Variants in MTSS1 observed in about 807,000 individuals in gnomAD.
The protein encoded by MTSS1 is protein MTSS 1.
MTSS1 carries 18 observed loss-of-function variants against 79.0 expected under a neutral mutation model. The ratio of observed to expected loss-of-function variants is 0.23; its 90% CI spans 0.16 to 0.34. The LOEUF is 0.34. Among genes scored for constraint, MTSS1 ranks in the 10% least tolerant of loss-of-function variants. The pLI, the probability that MTSS1 is intolerant of heterozygous loss-of-function variation, is 1.00. For synonymous variants in MTSS1, 341 were observed against 368.6 expected (o/e 0.93, Z 0.86); for missense variants, 815 against 986.2 (o/e 0.83, Z 2.33).
chr8:124,661,269 C>A (rs371215619), intron 3 of MTSS1, among the ~76,000 whole-genome samples: 3 of 151,432 alleles, frequency 2.0e-5, no homozygotes, highest in Non-Finnish European at 4.4e-5. Flanking sequence ...TCCCCATACA[C>A]GCACTACCCA....
intron 3 of MTSS1, among the ~76,000 whole-genome samples, chr8:124,694,056 A>C (rs9643203): frequency 0.36 from 54,725 of 152,058 alleles, 10,587 homozygotes; most frequent in Non-Finnish European, 0.41. Context: ...TGTTATTCTA[A>C]CTACCGCATA....
rs576112232 is a variant in MTSS1, at chr8:124,725,158, C to T, written c.72+2726G>A. ...CTGCTTGCTTTACATGGTGCTGTTCCCCAGTGGAGAAAAAGTCAGGATTTC... is the reference window on the plus strand; with the variant it reads ...CTGCTTGCTTTACATGGTGCTGTTCTCCAGTGGAGAAAAAGTCAGGATTTC... On this transcript the variant is annotated intron_variant, in intron 1 of 13. Coordinates refer to ENST00000518547, the MANE Select transcript of MTSS1 (RefSeq NM_014751.6). Among the ~76,000 whole-genome samples, 12 of 152,224 alleles carry T rather than the reference C, an allele frequency of 7.9e-5. No individual in the cohort carries two copies. In the South Asian group the frequency reaches 2.1e-3, roughly 26 times the overall value.
chr8:124,608,484 C>A (rs1563849508), intron 3 of MTSS1, among the ~76,000 whole-genome samples: 1 of 152,196 alleles, frequency 6.6e-6, no homozygotes, highest in Non-Finnish European at 1.5e-5. Context: ...CTGCAGAGAA[C>A]CAGTAGGGTC....
At chr8:124,604,024 C>G (rs1230032334) in intron 3 of MTSS1, among the ~76,000 whole-genome samples, 1 of 152,080 alleles carries the variant, frequency 6.6e-6, no homozygotes. Flanking sequence ...CCAGCCTGGC[C>G]AGCGTGGTGA....
At chr8:124,668,748 C>T (rs763711520) in intron 3 of MTSS1, among the ~76,000 whole-genome samples, 7 of 152,160 alleles carry the variant, frequency 4.6e-5, no homozygotes, top group Non-Finnish European at 1.0e-4. Flanking sequence ...ATACCCAGAA[C>T]CCAAACTCCA....
chr8:124,565,731 T>A lies in MTSS1; in HGVS notation c.755A>T (p.Tyr252Phe), dbSNP rs1298159221. ...GGGTGGCGTCTGATACGACCAGCTG[T>A]AATCAGAACCTTTCAAGTCCAGAAT... The part of the protein sequence containing the change: ...QVILDLKGSD[Y>F]SWSYQTPPSS... Residue 252 changes from tyrosine (Y) to phenylalanine (F), a missense_variant, in exon 9 of 14, where the codon TAC (tyrosine) becomes TTC (phenylalanine). Transcript: ENST00000518547. The A allele has an allele frequency of 6.2e-7, 1 of 1,613,978 alleles. No homozygotes were observed. Among genetic ancestry groups the A allele is most frequent in the East Asian group, 2.2e-5 (1 of 44,880 alleles).
At chr8:124,708,401 A>G (rs1420074873) in intron 1 of MTSS1, among the ~76,000 whole-genome samples, 1 of 152,218 alleles carries the variant, frequency 6.6e-6, no homozygotes, top group African/African-American at 2.4e-5. Context: ...AGTCTAAGTC[A>G]GACTGTCCAT....
chr8:124,567,535 C>T, intron 7 of MTSS1: 1 of 1,212,194 alleles, frequency 8.2e-7, no homozygotes. Context: ...TCTGAAGTTG[C>T]TTAGCTTCAA....
chr8:124,561,466 G>A (rs1465497929), intron 10 of MTSS1, among the ~76,000 whole-genome samples: 1 of 152,116 alleles, frequency 6.6e-6, no homozygotes, highest in African/African-American at 2.4e-5. Flanking sequence ...TGCTAGCCAC[G>A]CATGTCTTGG....
chr8:124,557,924 A>T, intron 10 of MTSS1, 49 bp from the exon 11 acceptor site: 5 of 1,421,184 alleles, frequency 3.5e-6, no homozygotes, highest in Non-Finnish European at 4.8e-6. Flanking sequence ...AATTAATATA[A>T]CAGGATGAGT....
At chr8:124,613,451 A>G (rs1836249921) in intron 3 of MTSS1, among the ~76,000 whole-genome samples, 1 of 152,236 alleles carries the variant, frequency 6.6e-6, no homozygotes, top group African/African-American at 2.4e-5. Context: ...GCACAGCTTC[A>G]TGCAACAAAA....
chr8:124,688,980 G>A (rs1827487481), intron 3 of MTSS1, among the ~76,000 whole-genome samples: 1 of 151,236 alleles, frequency 6.6e-6, no homozygotes. Context: ...AGACCAGATA[G>A]TTCCTTTAAA....
At chr8:124,656,119 T>C (rs1189736348) in intron 3 of MTSS1, among the ~76,000 whole-genome samples, 1 of 152,222 alleles carries the variant, frequency 6.6e-6, no homozygotes, top group Non-Finnish European at 1.5e-5. Flanking sequence ...GAATTTCCTA[T>C]CTCCTTTATC....
chr8:124,725,270 C>G lies in MTSS1; in HGVS notation c.72+2614G>C, dbSNP rs116537618. Among the ~76,000 whole-genome samples, 1,283 of 152,308 alleles carry G rather than the reference C, an allele frequency of 8.4e-3. 16 individuals carry two copies. The highest frequency in any genetic ancestry group is 0.029 in the African/African-American group (1,216 of 41,556). ...GATGAAGCATCTTTAGAGGAAAGCA[C>G]AAAGAATCCTCTCTCTCTTGCTTTT... On this transcript the variant is annotated intron_variant, in intron 1 of 13. Coordinates refer to ENST00000518547, the MANE Select transcript of MTSS1 (RefSeq NM_014751.6).
chr8:124,589,835 G>C (rs189583822), intron 4 of MTSS1, 124 bp from the exon 5 acceptor site: 2 of 692,900 alleles, frequency 2.9e-6, no homozygotes, highest in African/African-American at 3.6e-5. Flanking sequence ...TCTAAACCCC[G>C]GGGCTCCAGA....
At chr8:124,716,081 G>A (rs1040006218) in intron 1 of MTSS1, among the ~76,000 whole-genome samples, 2 of 152,202 alleles carry the variant, frequency 1.3e-5, no homozygotes, top group East Asian at 3.9e-4. Context: ...TGAGTGAGGG[G>A]TGGGCCATAG....
At chr8:124,570,381 G>T (rs550794465) in intron 6 of MTSS1, among the ~76,000 whole-genome samples, 1 of 152,106 alleles carries the variant, frequency 6.6e-6, no homozygotes, top group Admixed American at 6.5e-5. Context: ...CCTCCTCTGT[G>T]GTTTTGCTTT....
At chr8:124,658,087 G>T (rs1821300632) in intron 3 of MTSS1, among the ~76,000 whole-genome samples, 2 of 152,176 alleles carry the variant, frequency 1.3e-5, no homozygotes, top group South Asian at 2.1e-4. Flanking sequence ...CTCACCAGGA[G>T]CCAAATGAAA....
chr8:124,617,102 G>A (rs1837012408), intron 3 of MTSS1, among the ~76,000 whole-genome samples: 1 of 152,156 alleles, frequency 6.6e-6, no homozygotes, highest in South Asian at 2.1e-4. Flanking sequence ...AACGAGGGCA[G>A]TGTCTACCGC....
Sources: gnomAD v4.1 joint callset for allele counts (sites outside exome capture counted in the v4.1 genomes callset) on GRCh38, gnomAD v4.1.1 for gene constraint, MANE v1.5 for transcripts, NCBI Gene and HGNC (gene_info 2026-07-23, HGNC 2026-07-21) for gene names.